EBF4: variants seen among roughly 807,000 people sequenced by gnomAD.
EBF4 encodes the protein transcription factor COE4.
Under a neutral mutation model 67.1 loss-of-function variants are expected in EBF4, and 34 were observed. The observed-to-expected ratio is 0.51, with a 90% CI of 0.39 to 0.67. EBF4 has a LOEUF of 0.67. Ranked by LOEUF, EBF4 falls within the 30% of genes least tolerant of loss-of-function variation. EBF4 has a pLI of 0.00. For missense variants in EBF4, 837 were observed against 873.3 expected, an observed-to-expected ratio of 0.96 and a Z score of 0.52; for synonymous variants, 387 against 377.7, an observed-to-expected ratio of 1.02 and a Z score of -0.29.
In EBF4 at chr20:2,749,901, G is replaced by A. The variant is rs962586333; in HGVS notation, c.946G>A (p.Val316Met). The change falls in exon 10 of 17, where the codon GTG becomes ATG. Residue 316 changes from valine (V) to methionine (M), a missense_variant. Val to Met is a conservative substitution (Grantham distance 21). Coordinates refer to ENST00000609451, the Ensembl canonical transcript of EBF4. ...GACGCCCCCGCGGCACATCCCCGGG[G>A]TGGTGGAGGTGACCCTCTCCTACAA... 5.8e-6 allele frequency: 9 copies of A among 1,551,618 alleles called. No homozygotes were observed. The highest frequency in any genetic ancestry group is 3.3e-4 in the Middle Eastern group (2 of 5,992).
rs369947949 is a variant in EBF4, at chr20:2,753,900, A to G, written c.1540+1355A>G. Among the ~76,000 whole-genome samples the G allele has an allele frequency of 9.9e-4, 150 of 151,812 alleles. 2 individuals are homozygous for G. In the South Asian group the frequency reaches 0.025, roughly 25 times the overall value. ...CTCCTGGCTCTTTGCTCAGGCCAGG[A>G]TTGACTGCTCCTCCTTCCCTTCAGT... On this transcript the variant is annotated intron_variant, in intron 14 of 16. Coordinates refer to ENST00000609451, the Ensembl canonical transcript of EBF4.
At position 2,693,894 on chromosome 20, in the gene EBF4, G is replaced by C. The variant is rs1314058112; in HGVS notation, c.137+112G>C. ...GGCGGAAGGAGCCCTAACTCTGGAC[G>C]GTCCCGGCGAGCTCCCCGGCCCACC... On this transcript the variant is annotated intron_variant, in intron 1 of 16. Transcript: ENST00000609451. This position sits in a 1 kb window ranked among gnomAD's most constrained non-coding sequence, Gnocchi z 4.6. 3 of 1,219,846 alleles carry C rather than the reference G, an allele frequency of 2.5e-6. No individual in the cohort carries two copies. The highest frequency in any genetic ancestry group is 2.1e-6 in the Non-Finnish European group (2 of 974,544). 75.6% of individuals were successfully genotyped at this position (1,219,846 alleles called of 1,614,324 possible).
In EBF4 at chr20:2,751,883, G is replaced by T; in HGVS notation, c.1108-39G>T. The T allele has an allele frequency of 6.5e-7, 1 of 1,548,988 alleles. No homozygotes were observed. ...GAGGGCCCCTTGGTCGCCCCCAGGG[G>T]CTGCCCCTCCGTCCCGCTGTCTCTC... On this transcript the variant is annotated intron_variant, in intron 11 of 16. Coordinates refer to ENST00000609451, the Ensembl canonical transcript of EBF4. The surrounding 1 kb of genome is among the most constrained non-coding windows in gnomAD (Gnocchi z 5.2).
At chr20:2,736,908 T>G (rs1424431366) in intron 6 of EBF4, among the ~76,000 whole-genome samples, 1 of 152,170 alleles carries the variant, frequency 6.6e-6, no homozygotes, top group Non-Finnish European at 1.5e-5. Flanking sequence ...CAGACTGGCC[T>G]CCATGCTGAG....
intron 1 of EBF4, among the ~76,000 whole-genome samples, chr20:2,698,640 AGACTTTG>A (rs2146365615): frequency 6.6e-6 from 1 of 151,990 alleles, no homozygotes; most frequent in East Asian, 1.9e-4. Context: ...TAGCAGAGAG[AGACTTTG>A]GGGAAATCTG....
At chr20:2,720,083 C>CA in intron 6 of EBF4, among the ~76,000 whole-genome samples, 1 of 152,134 alleles carries the variant, frequency 6.6e-6, no homozygotes, top group Admixed American at 6.5e-5. Context: ...ACATGGATGT[C>CA]TAGAATTATT....
In EBF4 at chr20:2,694,113, C is replaced by G. The variant is rs376602732; in HGVS notation, c.137+331C>G. ...CCAGCCATGACCCACAGCCACCGGC[C>G]GTCTAGGAACGTCCAGCCCCTCCTT... On this transcript the variant is annotated intron_variant, in intron 1 of 16. Coordinates refer to ENST00000609451, the Ensembl canonical transcript of EBF4. 2.7e-3 allele frequency among the ~76,000 whole-genome samples: 411 copies of G among 152,350 alleles called. 4 individuals are homozygous for G. The highest frequency in any genetic ancestry group is 4.2e-3 in the Admixed American group (64 of 15,304).
chr20:2,700,593 A>C (rs1334251788), intron 1 of EBF4, among the ~76,000 whole-genome samples: 1 of 151,922 alleles, frequency 6.6e-6, no homozygotes, highest in Non-Finnish European at 1.5e-5. Flanking sequence ...ACACATCTGC[A>C]CCCAGGATGT....
At chr20:2,717,475 C>T (rs2087625304) in intron 6 of EBF4, among the ~76,000 whole-genome samples, 1 of 152,154 alleles carries the variant, frequency 6.6e-6, no homozygotes, top group Non-Finnish European at 1.5e-5. Context: ...AGTGGAGTTA[C>T]AGGAAACACT....
At chr20:2,721,084 CATTGATCTT>C (rs2146422574) in intron 6 of EBF4, among the ~76,000 whole-genome samples, 1 of 152,166 alleles carries the variant, frequency 6.6e-6, no homozygotes, top group East Asian at 1.9e-4. Flanking sequence ...GCTTAGGGTA[CATTGATCTT>C]TTTGTTTCTG....
intron 1 of EBF4, among the ~76,000 whole-genome samples, chr20:2,697,639 G>A (rs1188079719): frequency 6.6e-6 from 1 of 152,102 alleles, no homozygotes; most frequent in African/African-American, 2.4e-5. Context: ...CGCTGGTGGA[G>A]AGGGCTGCCC....
chr20:2,711,857 G>T (rs1034469404), intron 6 of EBF4, among the ~76,000 whole-genome samples: 1 of 152,166 alleles, frequency 6.6e-6, no homozygotes, highest in East Asian at 1.9e-4. Flanking sequence ...TAGGAAGGAA[G>T]GTTTGAAGCT....
At chr20:2,700,977 AG>A (rs2087366469) in intron 1 of EBF4, among the ~76,000 whole-genome samples, 1 of 152,192 alleles carries the variant, frequency 6.6e-6, no homozygotes, top group Non-Finnish European at 1.5e-5. Context: ...GGCTATGAAC[AG>A]GGTGAGCCGG....
intron 6 of EBF4, among the ~76,000 whole-genome samples, chr20:2,737,054 C>A (rs893541277): frequency 4.0e-5 from 6 of 151,870 alleles, no homozygotes; most frequent in Admixed American, 2.6e-4. Flanking sequence ...TGGAGACCAT[C>A]CTGGCTAACA....
chr20:2,693,644 T>A lies in EBF4; in HGVS notation c.-2T>A. 1 of 1,430,206 alleles carries A rather than the reference T, an allele frequency of 7.0e-7. No individual in the cohort carries two copies. 88.6% of individuals were successfully genotyped at this position (1,430,206 alleles called of 1,614,324 possible). A position where few individuals can be genotyped will look rare whatever the true frequency, so the allele number is the denominator to read the frequency against. On this transcript the variant is annotated 5_prime_UTR_variant, in exon 1 of 17. Coordinates refer to ENST00000609451, the Ensembl canonical transcript of EBF4. This position sits in a 1 kb window ranked among gnomAD's most constrained non-coding sequence, Gnocchi z 4.6. ...GGGGGCGCTCACTCACCGCGCGCCC[T>A]CATGTTCCCTGCGCAGGACGCTCTG...
intron 6 of EBF4, among the ~76,000 whole-genome samples, chr20:2,726,068 T>C (rs990187390): frequency 5.3e-5 from 8 of 151,658 alleles, no homozygotes; most frequent in African/African-American, 1.9e-4. Flanking sequence ...AGGCTCTACA[T>C]GTATTTTTTT....
At chr20:2,702,335 G>T (rs946386403) in intron 1 of EBF4, among the ~76,000 whole-genome samples, 11 of 152,212 alleles carry the variant, frequency 7.2e-5, no homozygotes, top group African/African-American at 2.6e-4. Flanking sequence ...GGCTGAGGTG[G>T]GAGGATCACG....
Position 2,747,313 on chromosome 20 carries a change from C to CAAAAAAAAAAA in EBF4, c.558-1233_558-1232insAAAAAAAAAAA, listed in dbSNP as rs1415178435. 8.1e-6 allele frequency among the ~76,000 whole-genome samples: 1 copy of CAAAAAAAAAAA among 123,296 alleles called. No individual in the cohort carries two copies. The highest frequency in any genetic ancestry group is 1.7e-5 in the Non-Finnish European group (1 of 58,710). 80.9% of individuals were successfully genotyped at this position (123,296 alleles called of 152,430 possible). On this transcript the variant is annotated intron_variant, in intron 6 of 16. Coordinates refer to ENST00000609451, the Ensembl canonical transcript of EBF4. The surrounding 1 kb of genome is among the most constrained non-coding windows in gnomAD (Gnocchi z 4.6). The stretch of plus-strand genomic sequence containing the variant: ...CTCTGTCTCAAAACAAAAAACAAAA[C>CAAAAAAAAAAA]AAACAAAAAAAAAAAAACAGGAAAA...
At chr20:2,743,187 CT>C (rs1213049466) in intron 6 of EBF4, among the ~76,000 whole-genome samples, 1 of 152,222 alleles carries the variant, frequency 6.6e-6, no homozygotes, top group East Asian at 1.9e-4. Flanking sequence ...GTGTCACCCC[CT>C]GGGCGTCAGC....
Sources: allele counts gnomAD v4.1 joint callset (sites outside exome capture counted in the v4.1 genomes callset), GRCh38; gene constraint gnomAD v4.1.1; non-coding constraint Gnocchi (gnomAD v3.1); transcripts MANE v1.5; gene names NCBI Gene and HGNC (gene_info 2026-07-23, HGNC 2026-07-21).